SGMS1: variants seen among roughly 807,000 people sequenced by gnomAD.
The protein encoded by SGMS1 is sphingomyelin synthase 1, also known as phosphatidylcholine:ceramide cholinephosphotransferase 1.
In SGMS1, 13 loss-of-function variants were observed where a neutral mutation model predicts 46.2. The ratio of observed to expected loss-of-function variants is 0.28; its 90% confidence interval spans 0.18 to 0.45. SGMS1 has a LOEUF of 0.45. Ranked by LOEUF, SGMS1 falls within the 20% of genes least tolerant of loss-of-function variation. The pLI, the probability that SGMS1 is intolerant of heterozygous loss-of-function variation, is 1.00. For missense variants in SGMS1, 324 were observed against 519.9 expected (o/e 0.62, Z 3.66); for synonymous variants, 203 against 187.8 (o/e 1.08, Z -0.66).
intron 6 of SGMS1, among the ~76,000 whole-genome samples, chr10:50,413,925 T>C (rs1311818311): frequency 6.6e-6 from 1 of 152,250 alleles, no homozygotes; most frequent in Non-Finnish European, 1.5e-5. Context: ...CATCTCTCTT[T>C]TACCACATTG....
intron 7 of SGMS1, among the ~76,000 whole-genome samples, chr10:50,333,180 T>C (rs1358973027): frequency 1.3e-5 from 2 of 152,172 alleles, no homozygotes; most frequent in Non-Finnish European, 1.5e-5. Flanking sequence ...TCACCCCTTT[T>C]GTGAGAAGAC....
chr10:50,625,049 C>T, upstream of SGMS1: 7 of 999,890 alleles, frequency 7.0e-6, no homozygotes, highest in Non-Finnish European at 8.4e-6. Context: ...GCTTTGGGCG[C>T]CGGACTCTGG....
intron 4 of SGMS1, among the ~76,000 whole-genome samples, chr10:50,463,393 A>G (rs10826033): frequency 0.16 from 24,599 of 152,240 alleles, 2,443 homozygotes; most frequent in East Asian, 0.26. Context: ...AGATATACAA[A>G]TGGTCAATAA....
intron 5 of SGMS1, among the ~76,000 whole-genome samples, chr10:50,442,620 G>GCCAC (rs1849560904): frequency 6.6e-6 from 1 of 152,116 alleles, no homozygotes; most frequent in African/African-American, 2.4e-5. Flanking sequence ...CCATGTCTTT[G>GCCAC]CTATTGTGAA....
In SGMS1 at chr10:50,368,636, G is replaced by A. The variant is rs75125396; in HGVS notation, c.-231-24291C>T. On this transcript the variant is annotated intron_variant, in intron 6 of 10. Coordinates refer to ENST00000361781, the MANE Select transcript of SGMS1 (RefSeq NM_147156.4). ...CTCCCAAAGTGTTGGGATTACAGGC[G>A]TGAGCCACTGCACCCAGCCAATACT... 3.7e-4 allele frequency among the ~76,000 whole-genome samples: 56 copies of A among 152,338 alleles called. 1 individual carries two copies. Among genetic ancestry groups the A allele is most frequent in the Admixed American group, 1.7e-3 (26 of 15,302 alleles).
intron 6 of SGMS1, among the ~76,000 whole-genome samples, chr10:50,398,364 T>A (rs1848878429): frequency 6.6e-6 from 1 of 152,182 alleles, no homozygotes. Context: ...TGAAATGAAA[T>A]TATCCTAACC....
At chr10:50,621,764 A>G (rs1214245218) in intron 1 of SGMS1, among the ~76,000 whole-genome samples, 2 of 152,196 alleles carry the variant, frequency 1.3e-5, no homozygotes, top group South Asian at 4.1e-4. Flanking sequence ...TAAAAACATA[A>G]ATTTCTATTC....
In SGMS1 at chr10:50,410,326, T is replaced by C. The variant is rs551992696; in HGVS notation, c.-232+23150A>G. ...AAACCTGGGGAAGCCAGCTGGTCCTTAGAGTGCAGTGTTATCTGGGGAGAC... is the reference window on the plus strand; with the variant it reads ...AAACCTGGGGAAGCCAGCTGGTCCTCAGAGTGCAGTGTTATCTGGGGAGAC... On this transcript the variant is annotated intron_variant, in intron 6 of 10. Coordinates refer to ENST00000361781, the MANE Select transcript of SGMS1 (RefSeq NM_147156.4). 2.3e-4 allele frequency among the ~76,000 whole-genome samples: 35 copies of C among 152,262 alleles called. No individual in the cohort carries two copies. In the South Asian group the frequency reaches 7.1e-3, roughly 31 times the overall value.
intron 8 of SGMS1, among the ~76,000 whole-genome samples, chr10:50,317,783 C>CTATAAAAGT (rs1157598262): frequency 4.1e-4 from 62 of 150,366 alleles, no homozygotes; most frequent in Non-Finnish European, 5.3e-4. Context: ...TCCCCTGTCT[C>CTATAAAAGT]TATAAAAGTT....
intron 3 of SGMS1, among the ~76,000 whole-genome samples, chr10:50,489,593 G>T (rs954915068): frequency 6.6e-6 from 1 of 152,210 alleles, no homozygotes; most frequent in Non-Finnish European, 1.5e-5. Context: ...CCACGAACTT[G>T]TTCTGCAGTT....
At chr10:50,579,351 G>T (rs969006490) in intron 2 of SGMS1, among the ~76,000 whole-genome samples, 3 of 151,840 alleles carry the variant, frequency 2.0e-5, no homozygotes, top group African/African-American at 7.3e-5. Context: ...GAAAACAGAG[G>T]GGGGAATTCA....
chr10:50,498,935 G>A (rs147083828), intron 3 of SGMS1, among the ~76,000 whole-genome samples: 2 of 152,196 alleles, frequency 1.3e-5, no homozygotes, highest in African/African-American at 4.8e-5. Context: ...CACCAATAGT[G>A]CACGAGTGTT....
At chr10:50,615,582 A>ATC (rs1838789171) in intron 1 of SGMS1, among the ~76,000 whole-genome samples, 1 of 152,196 alleles carries the variant, frequency 6.6e-6, no homozygotes, top group Admixed American at 6.5e-5. Flanking sequence ...CCACTGTACT[A>ATC]TAAGACAGAG....
At chr10:50,622,253 C>T (rs1371697529) in intron 1 of SGMS1, among the ~76,000 whole-genome samples, 1 of 152,184 alleles carries the variant, frequency 6.6e-6, no homozygotes, top group Non-Finnish European at 1.5e-5. Context: ...ACACCCCGAC[C>T]AATGAAACGC....
At chr10:50,308,262 A>G in intron 9 of SGMS1, 114 bp from the exon 10 acceptor site, 1 of 920,782 alleles carries the variant, frequency 1.1e-6, no homozygotes, top group South Asian at 1.8e-5. Flanking sequence ...CCCTTCTGAA[A>G]ACAGATCTAG....
upstream of SGMS1, chr10:50,625,036 C>G (rs1042924912): frequency 2.0e-6 from 2 of 1,003,116 alleles, no homozygotes; most frequent in Non-Finnish European, 2.4e-6. Context: ...GCCCTCCCAT[C>G]GGGCTTTGGG....
intron 1 of SGMS1, among the ~76,000 whole-genome samples, chr10:50,595,778 T>C (rs1588887545): frequency 6.6e-6 from 1 of 152,212 alleles, no homozygotes; most frequent in African/African-American, 2.4e-5. Context: ...TGGGGGAAGG[T>C]ATGCCAGTGT....
chr10:50,383,376 A>G (rs941238040), intron 6 of SGMS1, among the ~76,000 whole-genome samples: 31 of 152,134 alleles, frequency 2.0e-4, no homozygotes, highest in African/African-American at 7.5e-4. Context: ...TTAAACGTGT[A>G]TTCTTCTTTT....
At chr10:50,442,119 TA>T (rs1241326969) in intron 5 of SGMS1, among the ~76,000 whole-genome samples, 2 of 151,640 alleles carry the variant, frequency 1.3e-5, no homozygotes, top group Non-Finnish European at 2.9e-5. Flanking sequence ...TGGTTAAAGA[TA>T]AAAAACAAAA....
Sources: gnomAD v4.1 joint callset for allele counts (sites outside exome capture counted in the v4.1 genomes callset) on GRCh38, gnomAD v4.1.1 for gene constraint, MANE v1.5 for transcripts, NCBI Gene and HGNC (gene_info 2026-07-23, HGNC 2026-07-21) for gene names.